SGCD: variants seen among roughly 807,000 people sequenced by gnomAD.
SGCD encodes the protein sarcoglycan delta.
In SGCD, 18 loss-of-function variants were observed where a neutral mutation model predicts 36.6. The ratio of observed to expected loss-of-function variants is 0.49; its 90% CI spans 0.34 to 0.73. SGCD has a LOEUF of 0.73. Among genes scored for constraint, SGCD ranks in the 30% least tolerant of loss-of-function variants. SGCD has a pLI of 0.01. For missense variants in SGCD, 387 were observed against 346.7 expected (o/e 1.12, Z -0.92); for synonymous variants, 133 against 130.6 (o/e 1.02, Z -0.12).
intron 6 of SGCD, among the ~76,000 whole-genome samples, chr5:156,617,031 G>A (rs1182039650): frequency 6.6e-6 from 1 of 152,094 alleles, no homozygotes; most frequent in Admixed American, 6.6e-5. Flanking sequence ...TTCTTCTTCA[G>A]GCTAGTTATC....
chr5:156,063,215 C>G (rs1489658348), intron 1 of SGCD, among the ~76,000 whole-genome samples: 1 of 11,540 alleles, frequency 8.7e-5, no homozygotes, highest in East Asian at 1.8e-3. Context: ...GCTTGTTTTT[C>G]TCAGGTTTGT....
the SGCD span, among the ~76,000 whole-genome samples, chr5:155,756,797 C>G: frequency 1.3e-5 from 2 of 152,162 alleles, no homozygotes; most frequent in Non-Finnish European, 2.9e-5. Flanking sequence ...CAATCACCTG[C>G]ACCACAAATA....
chr5:156,761,758 GCACCA>G lies in SGCD; in HGVS notation c.*2371_*2375del, dbSNP rs1251422148. On this transcript the variant is annotated 3_prime_UTR_variant, in exon 9 of 9. Transcript: ENST00000337851. The stretch of plus-strand genomic sequence containing the variant: ...ATCACCACGTGAAGGAATGAGATTA[GCACCA>G]CAAGTTTCATGCCAATAAAAGAGAC... The G allele has an allele frequency of 6.6e-6, 1 of 152,180 alleles. No homozygotes were observed. Among genetic ancestry groups the G allele is most frequent in the Non-Finnish European group, 1.5e-5 (1 of 68,038 alleles). The allele number at this position is 152,180 out of a possible 1,614,324, so 9.4% of individuals were successfully genotyped here. A position where few individuals can be genotyped will look rare whatever the true frequency, so the allele number is the denominator to read the frequency against.
chr5:156,366,578 A>C (rs912082844), intron 3 of SGCD, among the ~76,000 whole-genome samples: 1 of 152,218 alleles, frequency 6.6e-6, no homozygotes, highest in Non-Finnish European at 1.5e-5. Context: ...CTGGTTAAAG[A>C]AATACATGTG....
the SGCD span, among the ~76,000 whole-genome samples, chr5:155,755,216 A>G: frequency 6.6e-6 from 1 of 152,214 alleles, no homozygotes; most frequent in African/African-American, 2.4e-5. Context: ...TCTATGAAAC[A>G]TTGAATCAAG....
the SGCD span, among the ~76,000 whole-genome samples, chr5:155,849,491 T>C: frequency 6.6e-6 from 1 of 151,592 alleles, no homozygotes; most frequent in East Asian, 1.9e-4. Flanking sequence ...ATAATCCAAA[T>C]GAATAATTTG....
the SGCD span, among the ~76,000 whole-genome samples, chr5:155,826,052 G>A: frequency 6.6e-6 from 1 of 152,176 alleles, no homozygotes; most frequent in African/African-American, 2.4e-5. Context: ...ACTCGGCCTA[G>A]TTGACTTTAA....
intron 3 of SGCD, among the ~76,000 whole-genome samples, chr5:156,187,399 G>T (rs1055232441): frequency 6.6e-6 from 1 of 152,066 alleles, no homozygotes. Context: ...CATTTGAGAG[G>T]ATCTAGGATG....
chr5:156,184,069 C>T (rs1763673651), intron 3 of SGCD, among the ~76,000 whole-genome samples: 3 of 152,176 alleles, frequency 2.0e-5, no homozygotes, highest in East Asian at 3.9e-4. Context: ...TAAACATCCT[C>T]AGAACACTTA....
At chr5:156,154,837 C>G (rs1454805989) in intron 3 of SGCD, among the ~76,000 whole-genome samples, 2 of 151,442 alleles carry the variant, frequency 1.3e-5, no homozygotes, top group Non-Finnish European at 2.9e-5. Flanking sequence ...TTTAAAGGAA[C>G]TTTCATTTCA....
At chr5:155,736,358 C>A in the SGCD span, among the ~76,000 whole-genome samples, 1 of 152,300 alleles carries the variant, frequency 6.6e-6, no homozygotes, top group South Asian at 2.1e-4. Flanking sequence ...GATTATGATT[C>A]ACTTTGCCCT....
At chr5:156,612,209 G>C (rs1323026101) in intron 6 of SGCD, among the ~76,000 whole-genome samples, 1 of 152,070 alleles carries the variant, frequency 6.6e-6, no homozygotes, top group East Asian at 1.9e-4. Flanking sequence ...CAATTTTGTG[G>C]GATAGCTTTT....
chr5:156,676,146 T>A (rs1260850618), intron 7 of SGCD, among the ~76,000 whole-genome samples: 1 of 152,216 alleles, frequency 6.6e-6, no homozygotes, highest in African/African-American at 2.4e-5. Context: ...TTCATACAGT[T>A]TTTGATCCTC....
the SGCD span, among the ~76,000 whole-genome samples, chr5:155,812,843 A>T: frequency 7.9e-5 from 12 of 152,156 alleles, no homozygotes; most frequent in Non-Finnish European, 1.3e-4. Context: ...AACCTTCCCC[A>T]TGAAGTATCA....
the SGCD span, among the ~76,000 whole-genome samples, chr5:155,748,144 G>A: frequency 8.2e-5 from 12 of 147,064 alleles, no homozygotes; most frequent in South Asian, 2.1e-4. Context: ...GGTTTCTTCC[G>A]GCCACAAAGA....
intron 3 of SGCD, among the ~76,000 whole-genome samples, chr5:156,139,095 A>G (rs893662466): frequency 6.6e-6 from 1 of 152,222 alleles, no homozygotes; most frequent in South Asian, 2.1e-4. Context: ...TCATTTATAT[A>G]TAGCGTAGAT....
intron 4 of SGCD, among the ~76,000 whole-genome samples, chr5:156,548,610 C>T (rs577194046): frequency 6.6e-5 from 10 of 151,912 alleles, no homozygotes; most frequent in Non-Finnish European, 1.0e-4. Context: ...GTCACTTTTC[C>T]TTTCCGTGTA....
At chr5:156,326,200 T>A (rs765097561), upstream of SGCD, among the ~76,000 whole-genome samples, 10 of 152,214 alleles carry the variant, frequency 6.6e-5, no homozygotes, top group Non-Finnish European at 1.3e-4. Flanking sequence ...CCTCCTGTTT[T>A]GAGGTTTCCT....
chr5:155,950,416 C>T (rs936514856), intron 1 of SGCD, among the ~76,000 whole-genome samples: 4 of 152,246 alleles, frequency 2.6e-5, no homozygotes, highest in African/African-American at 9.6e-5. Flanking sequence ...ATGTCTACGG[C>T]GAGGAGAAGG....
Sources: allele counts gnomAD v4.1 joint callset (sites outside exome capture counted in the v4.1 genomes callset), GRCh38; gene constraint gnomAD v4.1.1; transcripts MANE v1.5; gene names NCBI Gene and HGNC (gene_info 2026-07-23, HGNC 2026-07-21).